The following DHX36 variants were observed in gnomAD, a reference collection of about 807,000 sequenced individuals.
The protein encoded by DHX36 is DEAH-box helicase 36, also known as ATP-dependent DNA/RNA helicase DHX36.
DHX36 carries 50 observed loss-of-function variants against 139.0 expected under a neutral mutation model. That is an observed-to-expected ratio of 0.36 (90% CI 0.29 to 0.46). The LOEUF (loss-of-function observed/expected upper bound fraction) is 0.46. DHX36 is among the 20% of genes least tolerant of loss of function. DHX36 has a pLI of 1.00. For missense variants in DHX36, 1,024 were observed against 1,211.3 expected (o/e 0.85, Z 2.29); for synonymous variants, 425 against 401.9 (o/e 1.06, Z -0.69).
chr3:154,288,468 A>G (rs536495897), intron 17 of DHX36, among the ~76,000 whole-genome samples: 1 of 152,260 alleles, frequency 6.6e-6, no homozygotes, highest in East Asian at 1.9e-4. Context: ...GGGGGCTTTT[A>G]GCATACTGGG....
chr3:154,321,214 A>C (rs1313577637), intron 1 of DHX36, among the ~76,000 whole-genome samples: 2 of 152,176 alleles, frequency 1.3e-5, no homozygotes, highest in Admixed American at 1.3e-4. Flanking sequence ...TTTTTGGGCA[A>C]AGTGGCCAAC....
chr3:154,274,388 T>C lies in DHX36; in HGVS notation c.*1783A>G, dbSNP rs1285292806. ...ATCCTATTAAAAGTGGCTTAAACAATTGAAGGGTTTTTATTATATCAACAT... is the reference window on the plus strand; with the variant it reads ...ATCCTATTAAAAGTGGCTTAAACAACTGAAGGGTTTTTATTATATCAACAT... On this transcript the variant is annotated 3_prime_UTR_variant, in exon 25 of 25. Coordinates refer to ENST00000496811, the MANE Select transcript of DHX36 (RefSeq NM_020865.3). 1.8e-5 allele frequency: 3 copies of C among 171,396 alleles called. No individual in the cohort carries two copies. Among genetic ancestry groups the C allele is most frequent in the South Asian group, 2.4e-4 (2 of 8,260 alleles). The allele number at this position is 171,396 out of a possible 1,614,324, so 10.6% of individuals were successfully genotyped here. A position where few individuals can be genotyped will look rare whatever the true frequency, so the allele number is the denominator to read the frequency against.
chr3:154,301,156 C>G (rs750198842), intron 9 of DHX36, 29 bp from the exon 10 acceptor site: 2 of 1,555,056 alleles, frequency 1.3e-6, no homozygotes, highest in Non-Finnish European at 1.7e-6. Context: ...TGAATATCTT[C>G]ACTTTTTTGA....
At chr3:154,324,118 G>C in intron 1 of DHX36, 56 bp downstream of exon 1, 1 of 1,514,216 alleles carries the variant, frequency 6.6e-7, no homozygotes, top group South Asian at 1.3e-5. Context: ...GGGGCAGCGG[G>C]AGAGAGAAGA....
At chr3:154,312,900 T>TATATATATAAAA (rs1331669290) in intron 3 of DHX36, among the ~76,000 whole-genome samples, 2 of 67,598 alleles carry the variant, frequency 3.0e-5, no homozygotes, top group Admixed American at 2.1e-4. Flanking sequence ...TATATATATA[T>TATATATATAAAA]AAAATAAATA....
chr3:154,289,710 T>C lies in DHX36; in HGVS notation c.1931A>G (p.Lys644Arg), dbSNP rs1233159297. The part of the protein sequence containing the change: ...TPLEELCLQI[K>R]ILRLGGIAYF... ...TCTTCATTCTCCCACCTAATTTACC[T>C]TTATTTGTAAACAAAGTTCTTCCAA... The change falls in exon 16 of 25, where the codon AAG (lysine) becomes AGG (arginine). Residue 644 changes from lysine (K) to arginine (R), a missense_variant and splice_region_variant. Lys to Arg is a conservative substitution (Grantham distance 26). Transcript: ENST00000496811. 1 of 1,573,166 alleles carries C rather than the reference T, an allele frequency of 6.4e-7. No individual in the cohort carries two copies. The highest frequency in any genetic ancestry group is 1.3e-5 in the African/African-American group (1 of 74,110).
intron 23 of DHX36, 43 bp downstream of exon 23, chr3:154,277,555 A>G: frequency 1.3e-6 from 2 of 1,542,560 alleles, no homozygotes; most frequent in Non-Finnish European, 1.8e-6. Context: ...AAATACAATG[A>G]GACTGATAAT....
chr3:154,283,961 T>C (rs1217540036), intron 19 of DHX36, among the ~76,000 whole-genome samples: 1 of 152,190 alleles, frequency 6.6e-6, no homozygotes, highest in African/African-American at 2.4e-5. Context: ...AGACTGTCAT[T>C]AGCGTTAATA....
At chr3:154,296,151 A>C (rs1255224533) in intron 12 of DHX36, among the ~76,000 whole-genome samples, 1 of 152,218 alleles carries the variant, frequency 6.6e-6, no homozygotes, top group African/African-American at 2.4e-5. Flanking sequence ...TGTCCTAGTT[A>C]GAAAATAATG....
At chr3:154,294,712 G>C (rs965491081) in intron 13 of DHX36, among the ~76,000 whole-genome samples, 23 of 149,214 alleles carry the variant, frequency 1.5e-4, no homozygotes, top group African/African-American at 5.7e-4. Context: ...AACTAGAAAT[G>C]GGGGGAGGAG....
intron 22 of DHX36, chr3:154,278,483 T>G (rs1484428653): frequency 2.6e-5 from 4 of 151,524 alleles, no homozygotes; most frequent in Non-Finnish European, 5.9e-5. Context: ...CGAAGTTTTT[T>G]TTTTTTTTTT....
rs1719068866 is a variant in DHX36 at position 154,273,900 on chromosome 3, C to A, written c.*2271G>T. The A allele has an allele frequency of 6.6e-6, 1 of 152,232 alleles. No homozygotes were observed. Among genetic ancestry groups the A allele is most frequent in the Non-Finnish European group, 1.5e-5 (1 of 68,042 alleles). 9.4% of individuals were successfully genotyped at this position (152,232 alleles called of 1,614,324 possible). On this transcript the variant is annotated 3_prime_UTR_variant, in exon 25 of 25. Coordinates refer to ENST00000496811, the MANE Select transcript of DHX36 (RefSeq NM_020865.3). ...TTCTGCAGCATGTCCAGCACTTTTA[C>A]ACCTTCTGTCAGACAAATAGGTTAA...
intron 8 of DHX36, 47 bp downstream of exon 8, chr3:154,304,759 G>T (rs73872807): frequency 1.4e-6 from 2 of 1,386,058 alleles, no homozygotes; most frequent in Non-Finnish European, 1.9e-6. Context: ...TTTTTTAATT[G>T]TTTTTCTAGT....
intron 12 of DHX36, among the ~76,000 whole-genome samples, chr3:154,298,157 A>G (rs1275963635): frequency 6.6e-6 from 1 of 152,218 alleles, no homozygotes; most frequent in East Asian, 1.9e-4. Context: ...TTCAAACTAG[A>G]AAGTTAACGA....
At chr3:154,280,481 A>C in intron 22 of DHX36, 98 bp downstream of exon 22, 1 of 870,108 alleles carries the variant, frequency 1.1e-6, no homozygotes, top group Non-Finnish European at 1.8e-6. Context: ...CCACATATGA[A>C]TAAGAACAAA....
chr3:154,306,435 G>A lies in DHX36; in HGVS notation c.814-140C>T. On this transcript the variant is annotated intron_variant, in intron 5 of 24. Transcript: ENST00000496811. ...AAAAAAATAGATATTAAAATCTGAGGTATCTAAAACAGTGTGTGCCTCTCT... is the reference window on the plus strand; with the variant it reads ...AAAAAAATAGATATTAAAATCTGAGATATCTAAAACAGTGTGTGCCTCTCT... 6 of 685,092 alleles carry A rather than the reference G, an allele frequency of 8.8e-6. No individual in the cohort carries two copies. The East Asian group carries it at 1.7e-4, about 19-fold the overall frequency. 42.4% of individuals were successfully genotyped at this position (685,092 alleles called of 1,614,324 possible). A position where few individuals can be genotyped will look rare whatever the true frequency, so the allele number is the denominator to read the frequency against.
chr3:154,292,058 T>C (rs1030237848), intron 15 of DHX36, among the ~76,000 whole-genome samples: 1 of 152,230 alleles, frequency 6.6e-6, no homozygotes, highest in Non-Finnish European at 1.5e-5. Context: ...TCAGAATGCC[T>C]GGATTCAAAT....
At chr3:154,291,431 T>C (rs1357403502) in intron 15 of DHX36, among the ~76,000 whole-genome samples, 1 of 152,212 alleles carries the variant, frequency 6.6e-6, no homozygotes, top group Non-Finnish European at 1.5e-5. Context: ...TGGTGAATAC[T>C]TTTTGAATCA....
At chr3:154,305,394 A>G (rs1397165498) in intron 6 of DHX36, 2 of 435,356 alleles carry the variant, frequency 4.6e-6, no homozygotes, top group East Asian at 8.2e-5. Context: ...ATTTCTTTTA[A>G]AAGATACGAC....
Sources: gnomAD v4.1 joint callset for allele counts (sites outside exome capture counted in the v4.1 genomes callset) on GRCh38, gnomAD v4.1.1 for gene constraint, MANE v1.5 for transcripts, NCBI Gene and HGNC (gene_info 2026-07-23, HGNC 2026-07-21) for gene names.